SCAI: variants seen among roughly 807,000 people sequenced by gnomAD.
The protein encoded by SCAI is protein SCAI.
A neutral mutation model predicts 92.2 loss-of-function variants in SCAI; 24 were observed. That is an observed-to-expected ratio of 0.26 (90% confidence interval 0.19 to 0.37). The LOEUF (loss-of-function observed/expected upper bound fraction) is 0.37, where lower values mean the gene tolerates loss of function less well. Ranked by LOEUF, SCAI falls within the 10% of genes least tolerant of loss-of-function variation. SCAI has a pLI of 1.00. For synonymous variants in SCAI, 261 were observed against 258.6 expected (o/e 1.01, Z -0.09); for missense variants, 450 against 736.2 (o/e 0.61, Z 4.50).
chr9:125,003,273 CA>C, intron 10 of SCAI, 58 bp from the exon 11 acceptor site: 1 of 1,335,592 alleles, frequency 7.5e-7, no homozygotes, highest in Non-Finnish European at 1.1e-6. Context: ...AATGAATTAT[CA>C]ATATCTATTT....
chr9:125,025,823 G>A (rs190804380), intron 6 of SCAI, among the ~76,000 whole-genome samples: 2 of 152,336 alleles, frequency 1.3e-5, no homozygotes, highest in East Asian at 1.9e-4. Flanking sequence ...TCACTGTTTA[G>A]TTGGAAAGCT....
chr9:125,016,928 A>G (rs1183550937), intron 9 of SCAI, among the ~76,000 whole-genome samples: 1 of 152,228 alleles, frequency 6.6e-6, no homozygotes, highest in Non-Finnish European at 1.5e-5. Context: ...GGCGTCTGGC[A>G]TAGCGTAGAT....
At chr9:125,053,076 C>T (rs867655778) in intron 3 of SCAI, among the ~76,000 whole-genome samples, 5 of 151,968 alleles carry the variant, frequency 3.3e-5, no homozygotes, top group Non-Finnish European at 5.9e-5. Context: ...CCAAGAGAAT[C>T]GTAATCCCAG....
chr9:125,080,562 T>C (rs1448650264), intron 2 of SCAI, among the ~76,000 whole-genome samples: 4 of 152,214 alleles, frequency 2.6e-5, no homozygotes, highest in Admixed American at 2.6e-4. Context: ...GGTTATCAGA[T>C]CTACCTCTCA....
chr9:125,022,538 A>C (rs932414037), intron 6 of SCAI, among the ~76,000 whole-genome samples: 4 of 152,176 alleles, frequency 2.6e-5, no homozygotes, highest in Admixed American at 6.5e-5. Flanking sequence ...CAGCTTCCTG[A>C]GTAACTAGGA....
intron 14 of SCAI, among the ~76,000 whole-genome samples, chr9:124,989,912 C>T (rs952617570): frequency 6.2e-5 from 9 of 145,456 alleles, no homozygotes; most frequent in East Asian, 2.1e-4. Flanking sequence ...CGATGGCTCA[C>T]GCCTGTAATC....
chr9:125,004,474 G>A (rs1375107084), intron 9 of SCAI, among the ~76,000 whole-genome samples: 8 of 150,004 alleles, frequency 5.3e-5, no homozygotes, highest in African/African-American at 7.4e-5. Context: ...GATTACAGGC[G>A]TGTGCCAAAA....
intron 17 of SCAI, chr9:124,968,958 A>T (rs1347216071): frequency 2.4e-6 from 1 of 419,854 alleles, no homozygotes; most frequent in African/African-American, 2.0e-5. Flanking sequence ...AAAAAAAAAA[A>T]AGGCTGTGTC....
intron 3 of SCAI, among the ~76,000 whole-genome samples, chr9:125,048,584 G>A (rs1414984487): frequency 6.6e-6 from 1 of 151,952 alleles, no homozygotes; most frequent in Non-Finnish European, 1.5e-5. Flanking sequence ...AAAGGGCAGG[G>A]GAGGGGAAGA....
chr9:125,133,505 A>G (rs1248139401), intron 2 of SCAI, among the ~76,000 whole-genome samples: 1 of 152,244 alleles, frequency 6.6e-6, no homozygotes, highest in Non-Finnish European at 1.5e-5. Context: ...AGATTTGGAT[A>G]CTTCACTAAG....
At chr9:125,004,759 A>G (rs1207560589) in intron 9 of SCAI, among the ~76,000 whole-genome samples, 4 of 9,836 alleles carry the variant, frequency 4.1e-4, no homozygotes, top group Non-Finnish European at 8.3e-4. Flanking sequence ...ATATATATAT[A>G]TATATATATA....
chr9:125,018,838 A>G lies in SCAI; in HGVS notation c.822T>C (p.Ser274=), dbSNP rs763079718. 1 of 1,613,380 alleles carries G rather than the reference A, an allele frequency of 6.2e-7. No homozygotes were observed. Among genetic ancestry groups the G allele is most frequent in the Non-Finnish European group, 8.5e-7 (1 of 1,179,800 alleles). The change falls in exon 9 of 18, where the codon TCT becomes TCC. Residue 274 remains serine (S), a synonymous_variant. Transcript: ENST00000336505. Reference sequence around the variant, plus strand: ...TACCAATAATGAGTGCGTCAGCCAGAGACAACTGTCCCACAATCATGCCCT... The same window carrying G: ...TACCAATAATGAGTGCGTCAGCCAGGGACAACTGTCCCACAATCATGCCCT... ...LEQGMIVGQL[S]LADALIIGNC...
intron 2 of SCAI, among the ~76,000 whole-genome samples, chr9:125,114,959 G>A (rs1257901966): frequency 1.3e-5 from 2 of 151,970 alleles, no homozygotes; most frequent in African/African-American, 4.8e-5. Context: ...GTTTAGTAGA[G>A]ACCGGGTTTT....
chr9:124,990,340 T>A (rs970090194), intron 14 of SCAI, among the ~76,000 whole-genome samples: 1 of 151,776 alleles, frequency 6.6e-6, no homozygotes, highest in Non-Finnish European at 1.5e-5. Context: ...AACACAAAAA[T>A]CAGCCAGGTG....
At position 125,027,020 on chromosome 9, in the gene SCAI, G is replaced by A. The variant is rs1832977756; in HGVS notation, c.414-110C>T. On this transcript the variant is annotated intron_variant, in intron 5 of 17. Transcript: ENST00000336505. ...CCTCTGTGGCACGGGGTGCGGGGGT[G>A]GGAATGACTGTCCTAAATTTGAATC... The A allele has an allele frequency of 6.3e-6, 3 of 478,820 alleles. No homozygotes were observed. In the East Asian group the frequency reaches 9.6e-5, roughly 15 times the overall value. 29.7% of individuals were successfully genotyped at this position (478,820 alleles called of 1,614,324 possible).
chr9:125,127,532 A>C (rs1187801221), intron 2 of SCAI, among the ~76,000 whole-genome samples: 1 of 151,932 alleles, frequency 6.6e-6, no homozygotes, highest in East Asian at 1.9e-4. Flanking sequence ...ACCTGCCCCC[A>C]AGGGCAGAAT....
intron 3 of SCAI, among the ~76,000 whole-genome samples, chr9:125,048,056 G>C (rs1461251803): frequency 3.3e-5 from 5 of 151,844 alleles, no homozygotes; most frequent in Non-Finnish European, 7.4e-5. Context: ...TCGGCTCACT[G>C]CAACCTCTGC....
At chr9:125,106,124 T>G (rs868282782) in intron 2 of SCAI, among the ~76,000 whole-genome samples, 1 of 52,274 alleles carries the variant, frequency 1.9e-5, no homozygotes, top group African/African-American at 1.4e-4. Flanking sequence ...AAAAAAAAAA[T>G]ATATATATAT....
intron 2 of SCAI, among the ~76,000 whole-genome samples, chr9:125,098,883 T>C (rs1834619344): frequency 6.6e-6 from 1 of 152,164 alleles, no homozygotes. Context: ...TGTCTGTATG[T>C]GCCCTTATCC....
Sources: gnomAD v4.1 joint callset for allele counts (sites outside exome capture counted in the v4.1 genomes callset) on GRCh38, gnomAD v4.1.1 for gene constraint, MANE v1.5 for transcripts, NCBI Gene and HGNC (gene_info 2026-07-23, HGNC 2026-07-21) for gene names.